Variants in CNTNAP2 observed in about 807,000 individuals in gnomAD.
CNTNAP2 encodes the protein contactin associated protein 2.
Under a neutral mutation model 155.2 loss-of-function variants are expected in CNTNAP2, and 98 were observed. The observed-to-expected ratio is 0.63, with a 90% CI of 0.54 to 0.75. The LOEUF is 0.75. CNTNAP2 is among the 30% of genes least tolerant of loss of function. The probability of loss-of-function intolerance (pLI) is 0.00; values close to 1 mark genes in which losing one functional copy is unlikely to be tolerated. For missense variants in CNTNAP2, 1,727 were observed against 1,688.1 expected (o/e 1.02, Z -0.40); for synonymous variants, 651 against 631.2 (o/e 1.03, Z -0.47).
chr7:146,917,699 T>G (rs963745420), intron 3 of CNTNAP2, among the ~76,000 whole-genome samples: 1 of 152,174 alleles, frequency 6.6e-6, no homozygotes, highest in Admixed American at 6.5e-5. Context: ...TTTCCTGTGC[T>G]ATACCCATGA....
rs867703818 is a variant in CNTNAP2, at chr7:147,033,184, A to G, written c.403-10723A>G. On this transcript the variant is annotated intron_variant, in intron 3 of 23. Transcript: ENST00000361727. The stretch of plus-strand genomic sequence containing the variant: ...TGTATATATATATATATATATATAT[A>G]TATATATATATATATATATGGAATA... Among the ~76,000 whole-genome samples the G allele has an allele frequency of 1.5e-3, 151 of 102,894 alleles. 1 individual carries two copies. The highest frequency in any genetic ancestry group is 4.8e-3 in the African/African-American group (136 of 28,092). 67.5% of individuals were successfully genotyped at this position (102,894 alleles called of 152,430 possible).
chr7:146,939,865 C>A (rs1797008973), intron 3 of CNTNAP2, among the ~76,000 whole-genome samples: 1 of 151,010 alleles, frequency 6.6e-6, no homozygotes, highest in Non-Finnish European at 1.5e-5. Flanking sequence ...ATTTGTATTT[C>A]TTTCTTAACT....
chr7:147,482,748 A>T lies in CNTNAP2; in HGVS notation c.1671-3187A>T, dbSNP rs202245905. The stretch of plus-strand genomic sequence containing the variant: ...TAAATAAATAAATAAATAAATAAAT[A>T]AATAAATAAATAATCGGCCGGGGGC... On this transcript the variant is annotated intron_variant, in intron 10 of 23. Coordinates refer to ENST00000361727, the MANE Select transcript of CNTNAP2 (RefSeq NM_014141.6). Among the ~76,000 whole-genome samples the T allele has an allele frequency of 1.1e-4, 17 of 148,992 alleles. No individual in the cohort carries two copies. In the East Asian group the frequency reaches 3.4e-3, roughly 30 times the overall value.
chr7:146,584,355 C>T (rs186272602), intron 1 of CNTNAP2, among the ~76,000 whole-genome samples: 1 of 152,182 alleles, frequency 6.6e-6, no homozygotes, highest in East Asian at 1.9e-4. Flanking sequence ...GAGTGCCTAG[C>T]GCATAGGAAA....
At chr7:147,741,191 G>T (rs1258846372) in intron 13 of CNTNAP2, among the ~76,000 whole-genome samples, 6 of 152,222 alleles carry the variant, frequency 3.9e-5, no homozygotes, top group Admixed American at 3.9e-4. Context: ...ACTGGCCGCA[G>T]CACTGTCTGC....
At chr7:147,565,371 G>C (rs922393114) in intron 12 of CNTNAP2, among the ~76,000 whole-genome samples, 3 of 151,840 alleles carry the variant, frequency 2.0e-5, no homozygotes, top group African/African-American at 7.3e-5. Flanking sequence ...AAAAAAGTGC[G>C]CTTTTTTTTA....
At chr7:146,518,211 A>G (rs908466693) in intron 1 of CNTNAP2, among the ~76,000 whole-genome samples, 1 of 151,922 alleles carries the variant, frequency 6.6e-6, no homozygotes, top group African/African-American at 2.4e-5. Context: ...GAACGTTATC[A>G]TTTCATGGGA....
At chr7:147,454,729 CTTTTT>C (rs1269690306) in intron 10 of CNTNAP2, among the ~76,000 whole-genome samples, 1 of 146,876 alleles carries the variant, frequency 6.8e-6, no homozygotes. Flanking sequence ...TAGCCTTTCT[CTTTTT>C]TTTTTTCTGA....
At chr7:146,159,968 A>G (rs1798191423) in intron 1 of CNTNAP2, among the ~76,000 whole-genome samples, 1 of 152,194 alleles carries the variant, frequency 6.6e-6, no homozygotes, top group South Asian at 2.1e-4. Flanking sequence ...CACTTATTCC[A>G]AAATTGATCA....
chr7:146,663,333 C>CAGT (rs988862786), intron 1 of CNTNAP2, among the ~76,000 whole-genome samples: 1 of 145,508 alleles, frequency 6.9e-6, no homozygotes, highest in African/African-American at 2.6e-5. Flanking sequence ...AAAAAGAAAT[C>CAGT]AGTTAATGTG....
chr7:146,723,182 A>T (rs997758271), intron 1 of CNTNAP2, among the ~76,000 whole-genome samples: 3 of 152,134 alleles, frequency 2.0e-5, no homozygotes, highest in Non-Finnish European at 2.9e-5. Context: ...AGAAAACACC[A>T]TCTGGCAATG....
At chr7:148,361,402 G>C (rs1798617382) in intron 21 of CNTNAP2, among the ~76,000 whole-genome samples, 2 of 152,232 alleles carry the variant, frequency 1.3e-5, no homozygotes, top group African/African-American at 4.8e-5. Flanking sequence ...GTGGCTTACA[G>C]CAATACAGAT....
At chr7:147,873,800 A>G (rs4373439) in intron 13 of CNTNAP2, among the ~76,000 whole-genome samples, 1,665 of 152,290 alleles carry the variant, frequency 0.011, 88 homozygotes, top group Admixed American at 0.091. Context: ...TCTGCCTATG[A>G]GCCTGTAAAA....
chr7:147,997,516 A>G (rs2116889028), intron 15 of CNTNAP2, among the ~76,000 whole-genome samples: 1 of 151,464 alleles, frequency 6.6e-6, no homozygotes, highest in East Asian at 2.0e-4. Flanking sequence ...AGATCACGCC[A>G]TTGCACTCCA....
chr7:146,702,240 A>C (rs1800890198), intron 1 of CNTNAP2, among the ~76,000 whole-genome samples: 1 of 152,154 alleles, frequency 6.6e-6, no homozygotes, highest in Non-Finnish European at 1.5e-5. Flanking sequence ...AGAAAAAATT[A>C]AGTAGTTTTA....
intron 14 of CNTNAP2, among the ~76,000 whole-genome samples, chr7:147,916,714 C>A (rs1800169813): frequency 1.4e-5 from 2 of 147,696 alleles, no homozygotes; most frequent in Admixed American, 6.8e-5. Context: ...AAAAATCAAT[C>A]ATGGAAAAAA....
intron 11 of CNTNAP2, among the ~76,000 whole-genome samples, chr7:147,533,652 T>C (rs1460711630): frequency 6.6e-6 from 1 of 150,414 alleles, no homozygotes; most frequent in East Asian, 2.0e-4. Context: ...ATATGTGTAA[T>C]CCCAGCTACT....
chr7:146,995,951 AC>A (rs1798300993), intron 3 of CNTNAP2, among the ~76,000 whole-genome samples: 1 of 152,072 alleles, frequency 6.6e-6, no homozygotes, highest in African/African-American at 2.4e-5. Context: ...ACAAAACAAA[AC>A]AAAACAAACC....
chr7:146,502,102 G>T (rs1797308900), intron 1 of CNTNAP2, among the ~76,000 whole-genome samples: 1 of 151,430 alleles, frequency 6.6e-6, no homozygotes, highest in African/African-American at 2.4e-5. Flanking sequence ...TGTGCTATTT[G>T]TCTTTATGTG....
Sources: gnomAD v4.1 joint callset for allele counts (sites outside exome capture counted in the v4.1 genomes callset) on GRCh38, gnomAD v4.1.1 for gene constraint, MANE v1.5 for transcripts, NCBI Gene and HGNC (gene_info 2026-07-23, HGNC 2026-07-21) for gene names.